Variants in ABCD3 observed in about 807,000 individuals in gnomAD.
The protein encoded by ABCD3 is ATP binding cassette subfamily D member 3.
In ABCD3, 41 loss-of-function variants were observed where a neutral mutation model predicts 105.5. That is an observed-to-expected ratio of 0.39 (90% CI 0.30 to 0.50). ABCD3 has a LOEUF of 0.50. Among genes scored for constraint, ABCD3 ranks in the 20% least tolerant of loss-of-function variants. ABCD3 has a pLI of 0.84. For synonymous variants in ABCD3, 258 were observed against 269.0 expected (o/e 0.96, Z 0.40); for missense variants, 622 against 806.3 (o/e 0.77, Z 2.77).
intron 20 of ABCD3, among the ~76,000 whole-genome samples, chr1:94,500,400 C>T (rs1305682160): frequency 2.0e-5 from 3 of 151,910 alleles, no homozygotes; most frequent in African/African-American, 2.4e-5. Context: ...GATCACACAC[C>T]GTGGCACTCC....
At position 94,490,094 on chromosome 1, in the gene ABCD3, G is replaced by T. The variant is rs986925674; in HGVS notation, c.1322+119G>T. ...ATTATTTCTGCTTTTTTAAAAAACA[G>T]CTTAGAGGTATCATTGACCTAAAAA... On this transcript the variant is annotated intron_variant, in intron 15 of 22. Coordinates refer to ENST00000370214, the MANE Select transcript of ABCD3 (RefSeq NM_002858.4). 4.3e-6 allele frequency: 4 copies of T among 929,412 alleles called. No individual in the cohort carries two copies. In the African/African-American group the frequency reaches 6.6e-5, roughly 15 times the overall value. 57.6% of individuals were successfully genotyped at this position (929,412 alleles called of 1,614,324 possible).
At chr1:94,476,977 G>A (rs542027022) in intron 7 of ABCD3, among the ~76,000 whole-genome samples, 2 of 151,736 alleles carry the variant, frequency 1.3e-5, no homozygotes, top group Non-Finnish European at 2.9e-5. Context: ...AACTTTCCAT[G>A]TAATTTTATA....
intron 13 of ABCD3, 135 bp downstream of exon 13, chr1:94,488,118 A>G (rs1370761827): frequency 1.3e-6 from 1 of 785,302 alleles, no homozygotes; most frequent in Non-Finnish European, 2.1e-6. Flanking sequence ...TAGAAAATTA[A>G]GGAAGATTTT....
At chr1:94,397,263 C>T in the ABCD3 span, among the ~76,000 whole-genome samples, 1 of 152,206 alleles carries the variant, frequency 6.6e-6, no homozygotes, top group African/African-American at 2.4e-5. Context: ...AACACTGGTA[C>T]AGCACTGCTA....
chr1:94,464,162 C>T lies in ABCD3; in HGVS notation c.148-613C>T, dbSNP rs532411438. On this transcript the variant is annotated intron_variant, in intron 2 of 22. Coordinates refer to ENST00000370214, the MANE Select transcript of ABCD3 (RefSeq NM_002858.4). Reference sequence around the variant, plus strand: ...GGTTTATTTTTTGTCTATGTTTCTCCCGCTAGAATGTGAGCTGCATAAGTG... The same window carrying T: ...GGTTTATTTTTTGTCTATGTTTCTCTCGCTAGAATGTGAGCTGCATAAGTG... 4.6e-5 allele frequency among the ~76,000 whole-genome samples: 7 copies of T among 152,160 alleles called. No homozygotes were observed. In the South Asian group the frequency reaches 1.0e-3, roughly 23 times the overall value.
intron 21 of ABCD3, among the ~76,000 whole-genome samples, chr1:94,508,441 G>A (rs1408751651): frequency 6.6e-6 from 1 of 151,868 alleles, no homozygotes; most frequent in African/African-American, 2.4e-5. Context: ...CTCCAGCTTT[G>A]TTCTTTTGGC....
chr1:94,418,784 TGTCCGGCGACCTCGCTCCACCCC>T, intron 1 of ABCD3, 196 bp downstream of exon 1: 1 of 607,842 alleles, frequency 1.6e-6, no homozygotes, highest in East Asian at 2.9e-5. Context: ...CCAGCTGGCC[TGTCCGGCGACCTCGCTCCACCCC>T]GGGAGTGCGA....
intron 4 of ABCD3, among the ~76,000 whole-genome samples, chr1:94,469,265 T>C (rs1367050160): frequency 6.6e-6 from 1 of 152,148 alleles, no homozygotes; most frequent in African/African-American, 2.4e-5. Flanking sequence ...TTTCCTACTT[T>C]GGAAGGTGAG....
intron 13 of ABCD3, among the ~76,000 whole-genome samples, chr1:94,489,516 T>C (rs909915502): frequency 3.3e-5 from 5 of 152,190 alleles, no homozygotes; most frequent in African/African-American, 1.2e-4. Context: ...GGGGATCCTA[T>C]GGAAACCTCT....
At chr1:94,478,191 C>T in intron 7 of ABCD3, 68 bp from the exon 8 acceptor site, 2 of 928,348 alleles carry the variant, frequency 2.2e-6, no homozygotes, top group South Asian at 1.4e-5. Context: ...TTATAGTTAA[C>T]ATGTTGTATT....
At chr1:94,420,463 G>T (rs1659215361) in intron 1 of ABCD3, among the ~76,000 whole-genome samples, 1 of 152,112 alleles carries the variant, frequency 6.6e-6, no homozygotes, top group South Asian at 2.1e-4. Context: ...GAGAAACTTT[G>T]TGAGCTTTTG....
In ABCD3 at chr1:94,467,963, A is replaced by T. The variant is rs1393370583; in HGVS notation, c.291A>T (p.Thr97=). 1.2e-6 allele frequency: 2 copies of T among 1,613,616 alleles called. No homozygotes were observed. The highest frequency in any genetic ancestry group is 1.7e-6 in the Non-Finnish European group (2 of 1,179,692). ...TTGCTGTTATGCTGGTGTCTCGAACATATTGTGATGTTTGGATGATTCAAA... is the reference window on the plus strand; with the variant it reads ...TTGCTGTTATGCTGGTGTCTCGAACTTATTGTGATGTTTGGATGATTCAAA... ...VLIAVMLVSR[T]YCDVWMIQNG... is the part of the protein sequence containing the mutation. Residue 97 remains threonine (T), a synonymous_variant, in exon 4 of 23, where the codon ACA becomes ACT. Transcript: ENST00000370214.
chr1:94,413,028 G>T, the ABCD3 span, among the ~76,000 whole-genome samples: 13 of 151,812 alleles, frequency 8.6e-5, no homozygotes, highest in African/African-American at 2.9e-4. Flanking sequence ...TTTCTACCCT[G>T]TTTACAGGTT....
At chr1:94,440,881 C>T in intron 1 of ABCD3, among the ~76,000 whole-genome samples, 1 of 152,172 alleles carries the variant, frequency 6.6e-6, no homozygotes, top group East Asian at 1.9e-4. Context: ...TCCCATTTAT[C>T]TCAAATCACT....
At chr1:94,514,917 A>G in intron 21 of ABCD3, 1 of 501,400 alleles carries the variant, frequency 2.0e-6, no homozygotes, top group Non-Finnish European at 3.6e-6. Context: ...TTTGCCCAAA[A>G]GAAAATAATA....
intron 3 of ABCD3, among the ~76,000 whole-genome samples, chr1:94,465,169 C>T (rs563151957): frequency 9.2e-5 from 14 of 152,270 alleles, no homozygotes; most frequent in African/African-American, 2.9e-4. Context: ...GTCTGGAGGA[C>T]AGCACCATGC....
the ABCD3 span, among the ~76,000 whole-genome samples, chr1:94,411,422 A>G: frequency 6.6e-6 from 1 of 152,206 alleles, no homozygotes; most frequent in Non-Finnish European, 1.5e-5. Flanking sequence ...AACCACAATG[A>G]GACACCACTT....
At chr1:94,428,840 A>T (rs988742045) in intron 1 of ABCD3, among the ~76,000 whole-genome samples, 1 of 152,062 alleles carries the variant, frequency 6.6e-6, no homozygotes. Context: ...GCAAATTAGT[A>T]CAAGTAGAGT....
intron 16 of ABCD3, among the ~76,000 whole-genome samples, chr1:94,492,516 AAAATGT>A (rs1251361530): frequency 1.3e-5 from 2 of 152,176 alleles, no homozygotes; most frequent in Admixed American, 1.3e-4. Flanking sequence ...AGAAGTACAG[AAAATGT>A]AAATGTAGTT....
Sources: allele counts gnomAD v4.1 joint callset (sites outside exome capture counted in the v4.1 genomes callset), GRCh38; gene constraint gnomAD v4.1.1; transcripts MANE v1.5; gene names NCBI Gene and HGNC (gene_info 2026-07-23, HGNC 2026-07-21).